ALG8: variants seen among roughly 807,000 people sequenced by gnomAD.
ALG8 encodes the protein ALG8 alpha-1,3-glucosyltransferase, also known as dolichyl pyrophosphate Glc1Man9GlcNAc2 alpha-1,3-glucosyltransferase.
In ALG8, 48 loss-of-function variants were observed where a neutral mutation model predicts 70.2. The observed-to-expected ratio is 0.68, with a 90% CI of 0.54 to 0.87. The LOEUF is 0.87. Ranked by LOEUF, ALG8 falls within the 40% of genes least tolerant of loss-of-function variation. The pLI is 0.00. For synonymous variants in ALG8, 234 were observed against 229.0 expected, an observed-to-expected ratio of 1.02 and a Z score of -0.20; for missense variants, 572 against 608.7, an observed-to-expected ratio of 0.94 and a Z score of 0.64.
chr11:78,119,994 C>T (rs1337475714), intron 4 of ALG8, among the ~76,000 whole-genome samples: 4 of 151,758 alleles, frequency 2.6e-5, no homozygotes, highest in Non-Finnish European at 4.4e-5. Flanking sequence ...CCCAGCTACT[C>T]GGGAGGCTGA....
At chr11:78,121,278 C>A in intron 3 of ALG8, 104 bp from the exon 4 acceptor site, 5 of 762,806 alleles carry the variant, frequency 6.6e-6, no homozygotes, top group Non-Finnish European at 1.1e-5. Context: ...TGACAAACTA[C>A]ATGCCATTCT....
intron 9 of ALG8, chr11:78,107,600 A>G: frequency 6.6e-6 from 1 of 151,156 alleles, no homozygotes; most frequent in Non-Finnish European, 1.5e-5. Flanking sequence ...GCACTTTGGG[A>G]GGCCAAGGCA....
At chr11:78,134,296 C>T (rs1861448368) in intron 1 of ALG8, among the ~76,000 whole-genome samples, 2 of 152,266 alleles carry the variant, frequency 1.3e-5, no homozygotes, top group African/African-American at 4.8e-5. Flanking sequence ...CACCACCACA[C>T]TTGGCTAATT....
At chr11:78,115,119 G>A (rs1188226882) in intron 5 of ALG8, among the ~76,000 whole-genome samples, 2 of 152,022 alleles carry the variant, frequency 1.3e-5, no homozygotes, top group Non-Finnish European at 2.9e-5. Context: ...TGCAGCCTCC[G>A]CCTCCTCGGT....
chr11:78,112,473 A>T, intron 8 of ALG8, 177 bp downstream of exon 8: 1 of 787,794 alleles, frequency 1.3e-6, no homozygotes, highest in Non-Finnish European at 2.1e-6. Flanking sequence ...CAGTCTGTTT[A>T]CTGCACTAAA....
intron 8 of ALG8, among the ~76,000 whole-genome samples, chr11:78,110,921 T>C (rs186701487): frequency 2.0e-4 from 31 of 152,258 alleles, no homozygotes; most frequent in Admixed American, 2.0e-3. Context: ...GACACAAACA[T>C]ACAAGTGAGG....
intron 5 of ALG8, among the ~76,000 whole-genome samples, chr11:78,117,177 A>C (rs1433251405): frequency 6.6e-6 from 1 of 152,170 alleles, no homozygotes; most frequent in Non-Finnish European, 1.5e-5. Flanking sequence ...ATGTAGCGGT[A>C]AATTTCATTT....
At chr11:78,127,631 G>A (rs955399333) in intron 1 of ALG8, among the ~76,000 whole-genome samples, 195 bp from the exon 2 acceptor site, 19 of 151,836 alleles carry the variant, frequency 1.3e-4, no homozygotes, top group East Asian at 7.7e-4. Flanking sequence ...GAAAGTTGTT[G>A]AGCAATCTAC....
intron 1 of ALG8, among the ~76,000 whole-genome samples, chr11:78,127,775 T>A (rs1028561204): frequency 6.7e-6 from 1 of 149,482 alleles, no homozygotes; most frequent in Non-Finnish European, 1.5e-5. Context: ...AGTGGACCCA[T>A]CTCAGCTCAC....
At chr11:78,111,225 T>C (rs1487781590) in intron 8 of ALG8, among the ~76,000 whole-genome samples, 1 of 152,116 alleles carries the variant, frequency 6.6e-6, no homozygotes, top group Non-Finnish European at 1.5e-5. Flanking sequence ...CCCCCTGAGG[T>C]ACAGAGATGG....
At chr11:78,114,737 G>T in intron 5 of ALG8, 1 of 445,840 alleles carries the variant, frequency 2.2e-6, no homozygotes, top group South Asian at 1.6e-5. Flanking sequence ...AAGCCGACGT[G>T]GAAGGATTGC....
chr11:78,130,718 A>G (rs1469182598), intron 1 of ALG8, among the ~76,000 whole-genome samples: 1 of 152,076 alleles, frequency 6.6e-6, no homozygotes, highest in Non-Finnish European at 1.5e-5. Context: ...TCTAGTGATT[A>G]ATGTCTTCAT....
At chr11:78,137,492 T>A (rs1195818943) in intron 1 of ALG8, 1 of 152,296 alleles carries the variant, frequency 6.6e-6, no homozygotes, top group Non-Finnish European at 1.5e-5. Context: ...CCGTCTTGGC[T>A]TTCAGGATGC....
intron 5 of ALG8, 152 bp from the exon 6 acceptor site, chr11:78,114,544 G>C (rs1018405132): frequency 1.0e-6 from 1 of 953,744 alleles, no homozygotes; most frequent in African/African-American, 1.6e-5. Flanking sequence ...TCTTAGTCTT[G>C]ATGAATGTAC....
At chr11:78,124,775 T>A (rs1022976886) in intron 2 of ALG8, among the ~76,000 whole-genome samples, 6 of 152,212 alleles carry the variant, frequency 3.9e-5, no homozygotes, top group Non-Finnish European at 5.9e-5. Context: ...ATAATACATA[T>A]GAAATATATT....
intron 9 of ALG8, among the ~76,000 whole-genome samples, chr11:78,108,405 G>C (rs1384689595): frequency 1.3e-5 from 2 of 152,158 alleles, no homozygotes; most frequent in African/African-American, 2.4e-5. Flanking sequence ...ACTCCAGCCT[G>C]GATGACGGAG....
At chr11:78,136,071 G>C (rs184782928) in intron 1 of ALG8, among the ~76,000 whole-genome samples, 16 of 152,164 alleles carry the variant, frequency 1.1e-4, no homozygotes, top group African/African-American at 3.4e-4. Context: ...TTGGGGAGCT[G>C]AGATGGGAGG....
intron 8 of ALG8, among the ~76,000 whole-genome samples, chr11:78,111,675 T>G (rs1054735062): frequency 1.3e-5 from 2 of 152,196 alleles, no homozygotes; most frequent in Non-Finnish European, 1.5e-5. Context: ...GTGGCCTGCA[T>G]AGCTTAAAAT....
chr11:78,130,094 G>A (rs963388310), intron 1 of ALG8, among the ~76,000 whole-genome samples: 15 of 152,178 alleles, frequency 9.9e-5, no homozygotes, highest in African/African-American at 3.6e-4. Flanking sequence ...GCTCACGCCT[G>A]TAATCCCAAC....
Sources: gnomAD v4.1 joint callset for allele counts (sites outside exome capture counted in the v4.1 genomes callset) on GRCh38, gnomAD v4.1.1 for gene constraint, MANE v1.5 for transcripts, NCBI Gene and HGNC (gene_info 2026-07-23, HGNC 2026-07-21) for gene names.